Variants in AMBRA1 observed in about 807,000 individuals in gnomAD.
AMBRA1 encodes autophagy and beclin 1 regulator 1, also known as activating molecule in BECN1-regulated autophagy protein 1.
In AMBRA1, 47 loss-of-function variants were observed where a neutral mutation model predicts 125.4. That is an observed-to-expected ratio of 0.37 (90% CI 0.30 to 0.48). AMBRA1 has a LOEUF of 0.48. Among genes scored for constraint, AMBRA1 ranks in the 20% least tolerant of loss-of-function variants. AMBRA1 has a pLI of 0.99. For missense variants in AMBRA1, 1,331 were observed against 1,693.4 expected (o/e 0.79, Z 3.76); for synonymous variants, 626 against 655.5 (o/e 0.95, Z 0.69).
At chr11:46,442,498 G>T (rs1378727658) in intron 12 of AMBRA1, among the ~76,000 whole-genome samples, 1 of 151,980 alleles carries the variant, frequency 6.6e-6, no homozygotes, top group East Asian at 1.9e-4. Context: ...TTGTCAGTGT[G>T]GTCTATCATC....
At chr11:46,591,527 A>C (rs2044593331) in intron 1 of AMBRA1, 1 of 152,148 alleles carries the variant, frequency 6.6e-6, no homozygotes, top group African/African-American at 2.4e-5. Flanking sequence ...TACAGTTTCC[A>C]CTCAAGGACT....
intron 7 of AMBRA1, among the ~76,000 whole-genome samples, chr11:46,517,470 GTT>G (rs768814141): frequency 0.018 from 1,693 of 96,044 alleles, 21 homozygotes; most frequent in South Asian, 0.065. Flanking sequence ...TATTAATAAG[GTT>G]TTTTTTTTTT....
chr11:46,406,862 G>A lies in AMBRA1; in HGVS notation c.3403+1651C>T, dbSNP rs139900800. 1.6e-3 allele frequency among the ~76,000 whole-genome samples: 235 copies of A among 148,890 alleles called. 2 individuals carry two copies. The highest frequency in any genetic ancestry group is 5.4e-3 in the African/African-American group (218 of 40,288). ...TGCACCACTGCACTCCAGCCTCTGC[G>A]ACAGAGTGAGACTCCATCTCAAAAA... is the stretch of plus-strand genomic sequence containing the variant. On this transcript the variant is annotated intron_variant, in intron 17 of 17. Transcript: ENST00000683756.
intron 7 of AMBRA1, among the ~76,000 whole-genome samples, chr11:46,516,805 T>A (rs1951511196): frequency 6.6e-6 from 1 of 152,130 alleles, no homozygotes; most frequent in South Asian, 2.1e-4. Context: ...GAAAATTGAA[T>A]GCGATGGCAG....
At chr11:46,536,011 C>G (rs11038911) in intron 7 of AMBRA1, among the ~76,000 whole-genome samples, 2 of 152,202 alleles carry the variant, frequency 1.3e-5, no homozygotes, top group East Asian at 3.8e-4. Context: ...TTGTACAACT[C>G]TAAGTAATAC....
intron 11 of AMBRA1, chr11:46,491,468 A>G (rs1478784181): frequency 3.3e-5 from 5 of 152,252 alleles, no homozygotes; most frequent in African/African-American, 4.8e-5. Flanking sequence ...GCAAGTGCTC[A>G]ATAAATGTTA....
intron 14 of AMBRA1, chr11:46,429,185 C>G (rs997069403): frequency 6.7e-7 from 1 of 1,498,856 alleles, no homozygotes; most frequent in African/African-American, 1.4e-5. Context: ...GCTTCATCCT[C>G]CCCCTCTCCC....
At chr11:46,453,531 T>C (rs1425579346) in intron 11 of AMBRA1, among the ~76,000 whole-genome samples, 1 of 152,232 alleles carries the variant, frequency 6.6e-6, no homozygotes, top group Non-Finnish European at 1.5e-5. Flanking sequence ...ATAGAAAATA[T>C]ACTGTGTGGA....
chr11:46,461,256 T>C (rs968939752), intron 11 of AMBRA1, among the ~76,000 whole-genome samples: 8 of 152,050 alleles, frequency 5.3e-5, no homozygotes, highest in Admixed American at 1.3e-4. Context: ...AAATAAAATA[T>C]AATAAACTTG....
chr11:46,437,001 T>C (rs1012512602), intron 12 of AMBRA1, among the ~76,000 whole-genome samples: 4 of 152,240 alleles, frequency 2.6e-5, no homozygotes, highest in African/African-American at 9.6e-5. Flanking sequence ...GGTATGTTAT[T>C]AAAGTAGACT....
chr11:46,422,097 T>TGGA (rs1946875271), intron 14 of AMBRA1, among the ~76,000 whole-genome samples: 1 of 152,158 alleles, frequency 6.6e-6, no homozygotes, highest in Admixed American at 6.5e-5. Context: ...GCCGTGCAGC[T>TGGA]ACACCACCAA....
intron 14 of AMBRA1, chr11:46,428,537 A>G (rs1947270078): frequency 4.3e-6 from 4 of 937,964 alleles, no homozygotes; most frequent in Non-Finnish European, 4.9e-6. Context: ...TAGTGCCTCT[A>G]GGATCTGCAG....
Position 46,564,165 on chromosome 11 carries a change from C to T in AMBRA1, c.-120-15665G>A, listed in dbSNP as rs552783807. Among the ~76,000 whole-genome samples, 534 of 108,464 alleles carry T rather than the reference C, an allele frequency of 4.9e-3. 3 individuals are homozygous for T. The highest frequency in any genetic ancestry group is 0.018 in the African/African-American group (521 of 28,312). 71.2% of individuals were successfully genotyped at this position (108,464 alleles called of 152,430 possible). On this transcript the variant is annotated intron_variant, in intron 1 of 17. Coordinates refer to ENST00000683756, the MANE Select transcript of AMBRA1 (RefSeq NM_001387011.1). ...GTCTCAAAAAAAAAAAAAAAAAAAACGTAAGAGCAATCTTAAAGCCTTCTT... is the reference window on the plus strand; with the variant it reads ...GTCTCAAAAAAAAAAAAAAAAAAAATGTAAGAGCAATCTTAAAGCCTTCTT...
At chr11:46,479,633 G>A (rs553357313) in intron 11 of AMBRA1, among the ~76,000 whole-genome samples, 1 of 152,128 alleles carries the variant, frequency 6.6e-6, no homozygotes, top group South Asian at 2.1e-4. Context: ...GGAGGCGGAG[G>A]TTGCAGTGAG....
chr11:46,465,541 AGG>A (rs1038014575), intron 11 of AMBRA1, among the ~76,000 whole-genome samples: 1 of 152,168 alleles, frequency 6.6e-6, no homozygotes, highest in African/African-American at 2.4e-5. Context: ...TAAATATTTC[AGG>A]TAACTTTGGG....
Position 46,542,709 on chromosome 11 carries a change from G to C in AMBRA1, c.1308C>G (p.Pro436=). 6.2e-7 allele frequency: 1 copy of C among 1,614,086 alleles called. No homozygotes were observed. The highest frequency in any genetic ancestry group is 8.5e-7 in the Non-Finnish European group (1 of 1,180,026). Residue 436 remains proline (P), a synonymous_variant, in exon 7 of 18, where the codon CCC becomes CCG. Transcript: ENST00000683756. The surrounding 1 kb of genome is among the most constrained non-coding windows in gnomAD (Gnocchi z 5.9). The part of the protein sequence containing the change: ...LNSRSEAESM[P]PPRTSASSVS... The stretch of plus-strand genomic sequence containing the variant: ...CCGAAGAGGCACTGGTTCTGGGCGG[G>C]GGCATGGATTCCGCCTCAGAGCGGG...
Position 46,542,707 on chromosome 11 carries a change from G to A in AMBRA1, c.1310C>T (p.Pro437Leu), listed in dbSNP as rs373429644. The A allele has an allele frequency of 9.3e-6, 15 of 1,614,136 alleles. No homozygotes were observed. The highest frequency in any genetic ancestry group is 2.7e-5 in the African/African-American group (2 of 75,012). Residue 437 changes from proline (P) to leucine (L), a missense_variant, in exon 7 of 18, where the codon CCG (proline) becomes CTG (leucine). By Grantham distance (98) the Pro-to-Leu change is moderately conservative. Transcript: ENST00000683756. The surrounding 1 kb of genome is among the most constrained non-coding windows in gnomAD (Gnocchi z 5.9). ...CACCGAAGAGGCACTGGTTCTGGGCGGGGGCATGGATTCCGCCTCAGAGCG... is the reference window on the plus strand; with the variant it reads ...CACCGAAGAGGCACTGGTTCTGGGCAGGGGCATGGATTCCGCCTCAGAGCG... ...NSRSEAESMPPPRTSASSVSL... is the reference protein window; with the variant it reads ...NSRSEAESMPLPRTSASSVSL...
At chr11:46,487,220 T>C (rs968054578) in intron 11 of AMBRA1, among the ~76,000 whole-genome samples, 20 of 150,934 alleles carry the variant, frequency 1.3e-4, no homozygotes, top group African/African-American at 4.6e-4. Flanking sequence ...ACTGGGTCAC[T>C]GCACTCCAGC....
At position 46,542,024 on chromosome 11, in the gene AMBRA1, T is replaced by A; in HGVS notation, c.1993A>T (p.Ser665Cys). The A allele has an allele frequency of 6.2e-7, 1 of 1,614,122 alleles. No homozygotes were observed. The highest frequency in any genetic ancestry group is 8.5e-7 in the Non-Finnish European group (1 of 1,179,996). Residue 665 changes from serine (S) to cysteine (C), a missense_variant, in exon 7 of 18, where the codon AGC becomes TGC. This residue lies in a region of AMBRA1 where 689 missense variants were observed against 776.5 expected (regional missense o/e 0.89). Transcript: ENST00000683756. The surrounding 1 kb of genome is among the most constrained non-coding windows in gnomAD (Gnocchi z 5.9). ...TCCTGTGACACAGTTCCAGATCTGC[T>A]GGACTGGGTGTAAATTCTTTCCCAG... ...GHWERIYTQS[S>C]RSGTVSQEAL...
Sources: allele counts gnomAD v4.1 joint callset (sites outside exome capture counted in the v4.1 genomes callset), GRCh38; gene constraint gnomAD v4.1.1; regional missense constraint gnomAD v4.1.1; non-coding constraint Gnocchi (gnomAD v3.1); transcripts MANE v1.5; gene names NCBI Gene and HGNC (gene_info 2026-07-23, HGNC 2026-07-21).